ZHX3: variants seen among roughly 807,000 people sequenced by gnomAD.
ZHX3 encodes the protein zinc fingers and homeoboxes protein 3.
A neutral mutation model predicts 64.5 loss-of-function variants in ZHX3; 20 were observed. The ratio of observed to expected loss-of-function variants is 0.31; its 90% CI spans 0.22 to 0.45. ZHX3 has a LOEUF of 0.45. Among genes scored for constraint, ZHX3 ranks in the 20% least tolerant of loss-of-function variants. The pLI is 1.00. For synonymous variants in ZHX3, 423 were observed against 461.6 expected (o/e 0.92, Z 1.07); for missense variants, 1,041 against 1,195.8 (o/e 0.87, Z 1.91).
chr20:41,197,700 CTATTTGTTTT>C (rs2037856442), intron 3 of ZHX3, among the ~76,000 whole-genome samples: 1 of 151,848 alleles, frequency 6.6e-6, no homozygotes, highest in African/African-American at 2.4e-5. Flanking sequence ...TGCCATTTGG[CTATTTGTTTT>C]TAATATGTCT....
intron 1 of ZHX3, chr20:41,269,357 T>C (rs1318444236): frequency 1.3e-5 from 2 of 152,230 alleles, no homozygotes; most frequent in Non-Finnish European, 2.9e-5. Flanking sequence ...CCAATGAGTT[T>C]CCATGTCTCT....
Position 41,206,811 on chromosome 20 carries a change from C to G in ZHX3, c.-150-1745G>C, listed in dbSNP as rs557046622. On this transcript the variant is annotated intron_variant, in intron 2 of 3. Coordinates refer to ENST00000683867, the MANE Select transcript of ZHX3 (RefSeq NM_001384317.1). ...AAATACAGAGAACAACATAAAGATA[C>G]TCCTCGAGAAGAGCAACTCCAAAAC... Among the ~76,000 whole-genome samples, 11 of 152,250 alleles carry G rather than the reference C, an allele frequency of 7.2e-5. No individual in the cohort carries two copies. The South Asian group carries it at 2.1e-3, about 29-fold the overall frequency.
At chr20:41,258,789 G>GTTAA (rs1354621118) in intron 2 of ZHX3, among the ~76,000 whole-genome samples, 4 of 152,052 alleles carry the variant, frequency 2.6e-5, no homozygotes, top group African/African-American at 9.7e-5. Flanking sequence ...TTTCTTTATA[G>GTTAA]TTAATTAACA....
rs1405591062 is a variant in ZHX3 at position 41,185,088 on chromosome 20, C to T, written c.*103G>A. 16 of 1,561,964 alleles carry T rather than the reference C, an allele frequency of 1.0e-5. No individual in the cohort carries two copies. The highest frequency in any genetic ancestry group is 4.7e-5 in the East Asian group (2 of 42,426). ...GAAGCTCTCCCAGGTGCCCAGCAGC[C>T]GGGCATGGGAACGGCATGTGGCAGC... On this transcript the variant is annotated 3_prime_UTR_variant, in exon 4 of 4. Transcript: ENST00000683867. This position sits in a 1 kb window ranked among gnomAD's most constrained non-coding sequence, Gnocchi z 5.0.
At chr20:41,186,859 T>G (rs1438669252) in intron 3 of ZHX3, among the ~76,000 whole-genome samples, 1 of 152,268 alleles carries the variant, frequency 6.6e-6, no homozygotes, top group Non-Finnish European at 1.5e-5. Context: ...TCTATACATA[T>G]TCTGAATATA....
chr20:41,222,286 T>TC (rs35895866), intron 2 of ZHX3, among the ~76,000 whole-genome samples: 251 of 152,332 alleles, frequency 1.6e-3, no homozygotes, highest in African/African-American at 5.8e-3. Flanking sequence ...CAAGGATGAC[T>TC]CCAAGATTTT....
At chr20:41,235,822 A>T (rs2146414614) in intron 2 of ZHX3, among the ~76,000 whole-genome samples, 1 of 152,336 alleles carries the variant, frequency 6.6e-6, no homozygotes, top group East Asian at 1.9e-4. Flanking sequence ...GAAAAGAGGA[A>T]GTCAAATTGT....
rs2036164789 is a variant in ZHX3 at position 41,179,420 on chromosome 20, T to G, written c.*5771A>C. 6.6e-6 allele frequency: 1 copy of G among 152,076 alleles called. No homozygotes were observed. The highest frequency in any genetic ancestry group is 6.5e-5 in the Admixed American group (1 of 15,280). The allele number at this position is 152,076 out of a possible 1,614,324, so 9.4% of individuals were successfully genotyped here. ...GGCTCTGGCCCTGTTCCAAGCAAAC[T>G]GCAAGAACGAGACCAAACAGTATGG... On this transcript the variant is annotated 3_prime_UTR_variant, in exon 4 of 4. Transcript: ENST00000683867. This position sits in a 1 kb window ranked among gnomAD's most constrained non-coding sequence, Gnocchi z 4.3.
chr20:41,275,330 G>C (rs948380709), intron 1 of ZHX3, among the ~76,000 whole-genome samples: 3 of 152,084 alleles, frequency 2.0e-5, no homozygotes. Flanking sequence ...AGGTGCTCAG[G>C]GTCAGTGCTT....
intron 2 of ZHX3, among the ~76,000 whole-genome samples, chr20:41,242,290 T>C (rs2041433608): frequency 6.6e-6 from 1 of 152,188 alleles, no homozygotes; most frequent in African/African-American, 2.4e-5. Context: ...GCTAAGTCAT[T>C]TGACTCAGTC....
At chr20:41,244,525 T>C (rs2041577093) in intron 2 of ZHX3, among the ~76,000 whole-genome samples, 1 of 152,004 alleles carries the variant, frequency 6.6e-6, no homozygotes, top group South Asian at 2.1e-4. Context: ...AAAACACATA[T>C]TTAAAAAAAG....
At chr20:41,317,371 TGCGGGCCGGCC>T (rs1294795571) in intron 1 of ZHX3, 127 bp downstream of exon 1, 4 of 152,832 alleles carry the variant, frequency 2.6e-5, no homozygotes, top group Non-Finnish European at 4.4e-5. Context: ...TGACTGAGAC[TGCGGGCCGGCC>T]GCGGGCCAGG....
chr20:41,290,096 A>G (rs1316783545), intron 1 of ZHX3, among the ~76,000 whole-genome samples: 7 of 152,236 alleles, frequency 4.6e-5, no homozygotes, highest in Admixed American at 3.9e-4. Context: ...AATTTTATTA[A>G]AAGTCACTAG....
intron 1 of ZHX3, among the ~76,000 whole-genome samples, chr20:41,274,851 A>T (rs778925619): frequency 6.0e-5 from 9 of 150,198 alleles, no homozygotes; most frequent in Non-Finnish European, 1.0e-4. Flanking sequence ...GCAACATCAG[A>T]AAGGATCTTA....
At chr20:41,225,562 A>T (rs1277255720) in intron 2 of ZHX3, among the ~76,000 whole-genome samples, 1 of 152,130 alleles carries the variant, frequency 6.6e-6, no homozygotes, top group Non-Finnish European at 1.5e-5. Flanking sequence ...ATCTTGACTC[A>T]CTGCAATCTC....
chr20:41,273,040 TTTTG>T (rs145213295), intron 1 of ZHX3, among the ~76,000 whole-genome samples: 9,647 of 152,092 alleles, frequency 0.063, 1,006 homozygotes, highest in African/African-American at 0.22. Context: ...ATGCTTGTAA[TTTTG>T]TTTTTGTTTT....
Position 41,195,288 on chromosome 20 carries a change from T to C in ZHX3, c.2860+6769A>G, listed in dbSNP as rs923612386. On this transcript the variant is annotated intron_variant, in intron 3 of 3. Coordinates refer to ENST00000683867, the MANE Select transcript of ZHX3 (RefSeq NM_001384317.1). The surrounding 1 kb of genome is among the most constrained non-coding windows in gnomAD (Gnocchi z 4.2). Reference sequence around the variant, plus strand: ...ATGCCACCACACCTGGCTTATTTTTTACTTTTTTGTAGAGACAGGATCCCA... The same window carrying C: ...ATGCCACCACACCTGGCTTATTTTTCACTTTTTTGTAGAGACAGGATCCCA... Among the ~76,000 whole-genome samples the C allele has an allele frequency of 3.3e-5, 5 of 152,124 alleles. No individual in the cohort carries two copies. Among genetic ancestry groups the C allele is most frequent in the African/African-American group, 9.7e-5 (4 of 41,416 alleles).
chr20:41,184,207 A>T lies in ZHX3; in HGVS notation c.*984T>A, dbSNP rs181244856. ...CTTCCCAAACCATAGGAGGCTCTGA[A>T]ATGAGTGTGGAGAAAGGGCTCTGAA... On this transcript the variant is annotated 3_prime_UTR_variant, in exon 4 of 4. Transcript: ENST00000683867. The T allele has an allele frequency of 2.0e-5, 3 of 152,362 alleles. No homozygotes were observed. In the East Asian group the frequency reaches 5.8e-4, roughly 29 times the overall value. The allele number at this position is 152,362 out of a possible 1,614,324, so 9.4% of individuals were successfully genotyped here. A position where few individuals can be genotyped will look rare whatever the true frequency, so the allele number is the denominator to read the frequency against.
chr20:41,242,169 T>A (rs1326915934), intron 2 of ZHX3, among the ~76,000 whole-genome samples: 1 of 152,210 alleles, frequency 6.6e-6, no homozygotes, highest in East Asian at 1.9e-4. Context: ...AATTATAGGA[T>A]GTCAGGCACT....
Sources: allele counts gnomAD v4.1 joint callset (sites outside exome capture counted in the v4.1 genomes callset), GRCh38; gene constraint gnomAD v4.1.1; non-coding constraint Gnocchi (gnomAD v3.1); transcripts MANE v1.5; gene names NCBI Gene and HGNC (gene_info 2026-07-23, HGNC 2026-07-21).